Variants in REDIC1 observed in about 807,000 individuals in gnomAD.
REDIC1 encodes the protein regulator of DNA class I crossover intermediates 1.
chr12:39,896,101 TATAC>T, the REDIC1 span, among the ~76,000 whole-genome samples: 1 of 149,312 alleles, frequency 6.7e-6, no homozygotes, highest in Admixed American at 6.7e-5. Context: ...TATACACGTG[TATAC>T]ATATATGAAT....
chr12:39,638,252 G>A, the REDIC1 span, among the ~76,000 whole-genome samples: 3 of 152,026 alleles, frequency 2.0e-5, no homozygotes, highest in African/African-American at 7.2e-5. Flanking sequence ...AGGGACTGCA[G>A]TGCATCTGTT....
chr12:39,901,478 C>T, the REDIC1 span, among the ~76,000 whole-genome samples: 8 of 140,780 alleles, frequency 5.7e-5, no homozygotes, highest in Non-Finnish European at 3.1e-5. Context: ...CTACAATGAA[C>T]TCAAACAAAT....
At chr12:39,755,591 A>T in the REDIC1 span, 1 of 152,180 alleles carries the variant, frequency 6.6e-6, no homozygotes, top group Admixed American at 6.6e-5. Flanking sequence ...AGATGGAATA[A>T]TGTTGTTTGC....
the REDIC1 span, chr12:39,683,004 G>T: frequency 1.2e-6 from 2 of 1,613,108 alleles, no homozygotes; most frequent in East Asian, 2.2e-5. Flanking sequence ...TTAGTAATTC[G>T]ACTTTGAATA....
the REDIC1 span, among the ~76,000 whole-genome samples, chr12:39,628,061 A>T: frequency 6.6e-6 from 1 of 152,094 alleles, no homozygotes. Context: ...GCAGAGAATC[A>T]TGTTTTTGGA....
chr12:39,742,506 T>C, the REDIC1 span, among the ~76,000 whole-genome samples: 2 of 152,180 alleles, frequency 1.3e-5, no homozygotes, highest in East Asian at 3.9e-4. Context: ...TGACCCCTTA[T>C]CTTGACCAGG....
At chr12:39,727,640 C>T in the REDIC1 span, among the ~76,000 whole-genome samples, 276 of 150,782 alleles carry the variant, frequency 1.8e-3, no homozygotes, top group African/African-American at 6.2e-3. Flanking sequence ...TTAGCTTTTT[C>T]TAATTCTGTG....
the REDIC1 span, among the ~76,000 whole-genome samples, chr12:39,641,874 C>T: frequency 6.6e-6 from 1 of 151,682 alleles, no homozygotes; most frequent in Non-Finnish European, 1.5e-5. Flanking sequence ...TATTGCATCC[C>T]ATTCATTTCT....
the REDIC1 span, among the ~76,000 whole-genome samples, chr12:39,713,819 G>A: frequency 1.4e-5 from 2 of 146,318 alleles, no homozygotes; most frequent in Non-Finnish European, 1.5e-5. Flanking sequence ...GTATATATAC[G>A]TGTATACATG....
At chr12:39,695,743 G>A in the REDIC1 span, among the ~76,000 whole-genome samples, 1 of 152,078 alleles carries the variant, frequency 6.6e-6, no homozygotes, top group Non-Finnish European at 1.5e-5. Flanking sequence ...AGAGCCCTAG[G>A]GCCTTGAGAA....
the REDIC1 span, among the ~76,000 whole-genome samples, chr12:39,828,139 T>A: frequency 6.6e-6 from 1 of 152,196 alleles, no homozygotes; most frequent in Non-Finnish European, 1.5e-5. Flanking sequence ...GAATTTTTCA[T>A]GGTGAACACA....
chr12:39,697,828 CAAGA>C, the REDIC1 span, among the ~76,000 whole-genome samples: 1 of 151,786 alleles, frequency 6.6e-6, no homozygotes, highest in South Asian at 2.1e-4. Flanking sequence ...AAAAGGAAGA[CAAGA>C]AGGAAGGAAA....
the REDIC1 span, among the ~76,000 whole-genome samples, chr12:39,849,485 G>T: frequency 1.3e-5 from 2 of 152,266 alleles, no homozygotes; most frequent in South Asian, 2.1e-4. Flanking sequence ...GCTTGTCAAG[G>T]TTGTTTTGCT....
the REDIC1 span, among the ~76,000 whole-genome samples, chr12:39,900,198 A>G: frequency 6.6e-6 from 1 of 152,184 alleles, no homozygotes; most frequent in African/African-American, 2.4e-5. Context: ...TCTCAAAATA[A>G]TAAGAGCTAT....
chr12:39,829,998 G>T, the REDIC1 span: 6 of 1,372,518 alleles, frequency 4.4e-6, no homozygotes, highest in Admixed American at 1.8e-5. Flanking sequence ...AGTTATGAAG[G>T]CCAGTTTAAA....
At chr12:39,809,325 T>C in the REDIC1 span, among the ~76,000 whole-genome samples, 1 of 152,202 alleles carries the variant, frequency 6.6e-6, no homozygotes, top group Non-Finnish European at 1.5e-5. Flanking sequence ...TTATAGTAAG[T>C]CTTGAAATCA....
At chr12:39,882,172 A>G in the REDIC1 span, among the ~76,000 whole-genome samples, 183 of 152,136 alleles carry the variant, frequency 1.2e-3, 2 homozygotes, top group African/African-American at 4.0e-3. Context: ...TGAGTACTCT[A>G]TATTTCCCAA....
chr12:39,841,937 C>G, the REDIC1 span, among the ~76,000 whole-genome samples: 1 of 152,162 alleles, frequency 6.6e-6, no homozygotes, highest in South Asian at 2.1e-4. Flanking sequence ...GCTAATATCA[C>G]AGACAGTTTA....
the REDIC1 span, among the ~76,000 whole-genome samples, chr12:39,901,993 C>T: frequency 9.9e-5 from 15 of 151,974 alleles, no homozygotes; most frequent in African/African-American, 3.4e-4. Context: ...ACATATACAC[C>T]ATGGAATACT....
Sources: gnomAD v4.1 joint callset for allele counts (sites outside exome capture counted in the v4.1 genomes callset) on GRCh38, gnomAD v4.1.1 for gene constraint, MANE v1.5 for transcripts, NCBI Gene and HGNC (gene_info 2026-07-23, HGNC 2026-07-21) for gene names.